The following VAV3 variants were observed in gnomAD, a reference collection of about 807,000 sequenced individuals.
VAV3 encodes guanine nucleotide exchange factor VAV3.
A neutral mutation model predicts 131.2 loss-of-function variants in VAV3; 94 were observed. The ratio of observed to expected loss-of-function variants is 0.72; its 90% CI spans 0.61 to 0.85. The LOEUF is 0.85. VAV3 is among the 40% of genes least tolerant of loss of function. The probability of loss-of-function intolerance (pLI) is 0.00; values close to 1 mark genes in which losing one functional copy is unlikely to be tolerated. For synonymous variants in VAV3, 349 were observed against 342.0 expected (o/e 1.02, Z -0.22); for missense variants, 939 against 1,002.7 (o/e 0.94, Z 0.86).
Position 107,769,196 on chromosome 1 carries a change from G to A in VAV3, c.649-687C>T, listed in dbSNP as rs561423999. On this transcript the variant is annotated intron_variant, in intron 6 of 26. Transcript: ENST00000370056. The stretch of plus-strand genomic sequence containing the variant: ...TCATATCCTCATTTCCCTCCTAACC[G>A]AGTTTATACTCCATGAATCACTTCC... 1.1e-3 allele frequency among the ~76,000 whole-genome samples: 160 copies of A among 152,124 alleles called. 2 individuals carry two copies. Among genetic ancestry groups the A allele is most frequent in the African/African-American group, 6.7e-4 (28 of 41,498 alleles).
chr1:107,765,287 T>C, intron 8 of VAV3, 112 bp from the exon 9 acceptor site: 2 of 763,444 alleles, frequency 2.6e-6, no homozygotes, highest in South Asian at 1.6e-5. Context: ...ATAACCAAAA[T>C]AGCAGTAGAA....
intron 2 of VAV3, among the ~76,000 whole-genome samples, chr1:107,827,950 A>C (rs1668085505): frequency 6.6e-6 from 1 of 152,190 alleles, no homozygotes; most frequent in Admixed American, 6.6e-5. Context: ...GGAAGGGCCT[A>C]TCAACTATAC....
At chr1:107,647,047 T>C (rs1197507194) in intron 19 of VAV3, among the ~76,000 whole-genome samples, 1 of 151,604 alleles carries the variant, frequency 6.6e-6, no homozygotes, top group Non-Finnish European at 1.5e-5. Flanking sequence ...AATTTTCACA[T>C]AAACTTTCAA....
chr1:107,822,309 G>A (rs181710854), intron 2 of VAV3, among the ~76,000 whole-genome samples: 2 of 152,134 alleles, frequency 1.3e-5, no homozygotes, highest in Non-Finnish European at 2.9e-5. Flanking sequence ...TTTCCAAAGG[G>A]ATAAGTGGGA....
intron 25 of VAV3, among the ~76,000 whole-genome samples, chr1:107,592,375 C>CATT (rs1223509918): frequency 6.6e-6 from 1 of 151,994 alleles, no homozygotes; most frequent in Non-Finnish European, 1.5e-5. Context: ...TTATTTGTCC[C>CATT]ATTATTAGGG....
intron 25 of VAV3, among the ~76,000 whole-genome samples, chr1:107,581,375 T>A (rs1484722183): frequency 2.6e-5 from 4 of 152,212 alleles, no homozygotes; most frequent in Non-Finnish European, 5.9e-5. Flanking sequence ...TATTAGCAAA[T>A]GACTCAGTGG....
chr1:107,953,499 C>T (rs888738537), intron 1 of VAV3, among the ~76,000 whole-genome samples: 3 of 152,202 alleles, frequency 2.0e-5, no homozygotes, highest in Admixed American at 6.5e-5. Context: ...TGCCTGATCC[C>T]TGATCATGAA....
chr1:107,673,927 C>G (rs1485772806), intron 19 of VAV3, among the ~76,000 whole-genome samples: 2 of 152,148 alleles, frequency 1.3e-5, no homozygotes, highest in Non-Finnish European at 2.9e-5. Context: ...TTAAGATAAA[C>G]TTTACAAAAT....
chr1:107,932,781 T>C (rs183632009), intron 1 of VAV3, among the ~76,000 whole-genome samples: 44 of 152,268 alleles, frequency 2.9e-4, no homozygotes, highest in Admixed American at 1.6e-3. Context: ...GTGATGTGAT[T>C]TGAAGGATAA....
intron 2 of VAV3, among the ~76,000 whole-genome samples, chr1:107,856,657 C>T (rs979425503): frequency 2.6e-5 from 4 of 152,276 alleles, no homozygotes; most frequent in Admixed American, 2.0e-4. Context: ...ACCAGCTTCT[C>T]GAAAATTGGC....
intron 1 of VAV3, among the ~76,000 whole-genome samples, chr1:107,876,339 A>G (rs1302753641): frequency 6.6e-6 from 1 of 152,164 alleles, no homozygotes; most frequent in East Asian, 1.9e-4. Context: ...TTCAGAGACA[A>G]AGAGAGAAAA....
At chr1:107,892,452 T>C (rs1040282025) in intron 1 of VAV3, among the ~76,000 whole-genome samples, 1 of 152,226 alleles carries the variant, frequency 6.6e-6, no homozygotes, top group African/African-American at 2.4e-5. Flanking sequence ...CTGAAGGAGT[T>C]GTACAAATGC....
intron 19 of VAV3, among the ~76,000 whole-genome samples, chr1:107,680,733 T>C (rs1279148707): frequency 1.3e-5 from 2 of 152,098 alleles, no homozygotes; most frequent in African/African-American, 2.4e-5. Flanking sequence ...GCTCACGTAA[T>C]GCTCACAACA....
At chr1:107,739,373 A>G (rs1399977121) in intron 15 of VAV3, among the ~76,000 whole-genome samples, 1 of 152,182 alleles carries the variant, frequency 6.6e-6, no homozygotes, top group Non-Finnish European at 1.5e-5. Flanking sequence ...CCCGTGTCCT[A>G]CTTCCTTTTA....
At chr1:107,940,729 A>G (rs950216947) in intron 1 of VAV3, among the ~76,000 whole-genome samples, 18 of 152,154 alleles carry the variant, frequency 1.2e-4, no homozygotes, top group African/African-American at 4.3e-4. Context: ...GCTAGTCACA[A>G]AGGGCCAAAA....
At chr1:107,886,159 C>T (rs530795080) in intron 1 of VAV3, among the ~76,000 whole-genome samples, 5 of 152,334 alleles carry the variant, frequency 3.3e-5, no homozygotes, top group South Asian at 2.1e-4. Flanking sequence ...TAATGCCTCA[C>T]GGCCATGACC....
chr1:107,622,546 T>C (rs551894774), intron 20 of VAV3, among the ~76,000 whole-genome samples: 1 of 152,312 alleles, frequency 6.6e-6, no homozygotes, highest in African/African-American at 2.4e-5. Flanking sequence ...ACTACCTGGA[T>C]TGGAGCCTTA....
At chr1:107,757,098 CATA>C (rs1025447753) in intron 11 of VAV3, among the ~76,000 whole-genome samples, 160 bp downstream of exon 11, 22 of 148,756 alleles carry the variant, frequency 1.5e-4, no homozygotes, top group African/African-American at 4.7e-4. Flanking sequence ...ATAGGCATGT[CATA>C]ATATTTTATT....
At chr1:107,573,678 G>GAGGTACTATGTCCCATTCTTTCCAATTTA (rs1649407695) in intron 26 of VAV3, among the ~76,000 whole-genome samples, 1 of 152,176 alleles carries the variant, frequency 6.6e-6, no homozygotes, top group Admixed American at 6.5e-5. Flanking sequence ...TGAAAAGACA[G>GAGGTACTATGTCCCATTCTTTCCAATTTA]AGGTACTATG....
Sources: allele counts gnomAD v4.1 joint callset (sites outside exome capture counted in the v4.1 genomes callset), GRCh38; gene constraint gnomAD v4.1.1; transcripts MANE v1.5; gene names NCBI Gene and HGNC (gene_info 2026-07-23, HGNC 2026-07-21).